FAM78B: variants seen among roughly 807,000 people sequenced by gnomAD.
The protein encoded by FAM78B is protein FAM78B.
A neutral mutation model predicts 20.0 loss-of-function variants in FAM78B; 10 were observed. That is an observed-to-expected ratio of 0.50 (90% CI 0.31 to 0.85). The LOEUF (loss-of-function observed/expected upper bound fraction) is 0.85, where lower values mean the gene tolerates loss of function less well. Among genes scored for constraint, FAM78B ranks in the 40% least tolerant of loss-of-function variants. The pLI, the probability that FAM78B is intolerant of heterozygous loss-of-function variation, is 0.05. For missense variants in FAM78B, 283 were observed against 345.0 expected, an observed-to-expected ratio of 0.82 and a Z score of 1.42; for synonymous variants, 135 against 132.8, an observed-to-expected ratio of 1.02 and a Z score of -0.12.
chr1:166,109,868 GTATA>G (rs1167115543), intron 1 of FAM78B, among the ~76,000 whole-genome samples: 2 of 8,582 alleles, frequency 2.3e-4, no homozygotes, highest in Non-Finnish European at 3.1e-4. Flanking sequence ...ATATGTATGT[GTATA>G]TATATATATG....
rs58213930 is a variant in FAM78B, at chr1:166,094,003, CTGTGTGTG to C, written c.264-23248_264-23241del. Among the ~76,000 whole-genome samples, 759 of 125,586 alleles carry C rather than the reference CTGTGTGTG, an allele frequency of 6.0e-3. 9 individuals are homozygous for C. Among genetic ancestry groups the C allele is most frequent in the African/African-American group, 0.021 (691 of 32,588 alleles). The allele number at this position is 125,586 out of a possible 152,430, so 82.4% of individuals were successfully genotyped here. On this transcript the variant is annotated intron_variant, in intron 1 of 1. Coordinates refer to ENST00000354422, the MANE Select transcript of FAM78B (RefSeq NM_001017961.5). Reference sequence around the variant, plus strand: ...AGGGGCACACAGGGCTTGCGAATGACTGTGTGTGTGTGTGTGTGTGTGTGTGTGTGTGT... The same window carrying C: ...AGGGGCACACAGGGCTTGCGAATGACTGTGTGTGTGTGTGTGTGTGTGTGT...
chr1:166,070,077 C>G lies in FAM78B; in HGVS notation c.*164G>C. 1 of 1,307,150 alleles carries G rather than the reference C, an allele frequency of 7.7e-7. No individual in the cohort carries two copies. Among genetic ancestry groups the G allele is most frequent in the Non-Finnish European group, 9.8e-7 (1 of 1,022,664 alleles). 81.0% of individuals were successfully genotyped at this position (1,307,150 alleles called of 1,614,324 possible). A position where few individuals can be genotyped will look rare whatever the true frequency, so the allele number is the denominator to read the frequency against. On this transcript the variant is annotated 3_prime_UTR_variant, in exon 2 of 2. Coordinates refer to ENST00000354422, the MANE Select transcript of FAM78B (RefSeq NM_001017961.5). Reference sequence around the variant, plus strand: ...GGGATTTTTCCTAAGGATTATGGTTCTACCACCCAAGGAGCAGCCCTACTC... The same window carrying G: ...GGGATTTTTCCTAAGGATTATGGTTGTACCACCCAAGGAGCAGCCCTACTC...
At chr1:166,092,609 T>C (rs1275627531) in intron 1 of FAM78B, among the ~76,000 whole-genome samples, 1 of 152,208 alleles carries the variant, frequency 6.6e-6, no homozygotes, top group Non-Finnish European at 1.5e-5. Context: ...CTTTATCCCA[T>C]GCTCCTCAGC....
chr1:166,126,630 G>C (rs1654655460), intron 1 of FAM78B, among the ~76,000 whole-genome samples: 1 of 152,140 alleles, frequency 6.6e-6, no homozygotes, highest in South Asian at 2.1e-4. Flanking sequence ...GGGCACGTGA[G>C]GCTGGGAAGG....
chr1:166,085,917 T>G (rs1051054058), intron 1 of FAM78B, among the ~76,000 whole-genome samples: 2 of 152,108 alleles, frequency 1.3e-5, no homozygotes, highest in African/African-American at 4.8e-5. Flanking sequence ...GGTGACAAAG[T>G]TGAGAAGATC....
At chr1:166,164,891 G>A (rs1656300770) in intron 1 of FAM78B, 1 of 152,218 alleles carries the variant, frequency 6.6e-6, no homozygotes, top group Non-Finnish European at 1.5e-5. Context: ...GGGTGTTCTA[G>A]ACCTACATTG....
At chr1:166,083,798 GCTT>G (rs752321053) in intron 1 of FAM78B, among the ~76,000 whole-genome samples, 1 of 67,788 alleles carries the variant, frequency 1.5e-5, no homozygotes, top group Non-Finnish European at 2.6e-5. Context: ...CACGCACCCA[GCTT>G]TTTTTTTTTT....
chr1:166,077,282 C>T (rs1268366468), intron 1 of FAM78B, among the ~76,000 whole-genome samples: 2 of 152,118 alleles, frequency 1.3e-5, no homozygotes, highest in Non-Finnish European at 2.9e-5. Flanking sequence ...GGCCTGTAAA[C>T]CTAGTGCTAC....
At chr1:166,073,650 AG>A (rs954313677) in intron 1 of FAM78B, among the ~76,000 whole-genome samples, 17 of 152,130 alleles carry the variant, frequency 1.1e-4, no homozygotes, top group African/African-American at 3.9e-4. Context: ...AAAAGTTCCA[AG>A]AACAGTAGCA....
intron 1 of FAM78B, among the ~76,000 whole-genome samples, chr1:166,109,842 A>ATATATATATATATATATATATATATATG (rs1653944684): frequency 7.7e-5 from 2 of 25,834 alleles, no homozygotes; most frequent in Non-Finnish European, 2.0e-4. Flanking sequence ...GTATATATGT[A>ATATATATATATATATATATATATATATG]TATATATATA....
intron 1 of FAM78B, among the ~76,000 whole-genome samples, chr1:166,088,965 A>G (rs1384057656): frequency 6.6e-6 from 1 of 152,106 alleles, no homozygotes; most frequent in Non-Finnish European, 1.5e-5. Flanking sequence ...CCATGCTCTC[A>G]GTGTTCCACT....
At chr1:166,138,538 T>C (rs1418020915) in intron 1 of FAM78B, among the ~76,000 whole-genome samples, 1 of 152,060 alleles carries the variant, frequency 6.6e-6, no homozygotes, top group East Asian at 1.9e-4. Context: ...CTTAGTGGTG[T>C]TAGAATAAAG....
chr1:166,140,088 C>A (rs542024791), intron 1 of FAM78B, among the ~76,000 whole-genome samples: 1 of 152,216 alleles, frequency 6.6e-6, no homozygotes, highest in Admixed American at 6.5e-5. Flanking sequence ...GTTTCTGAAG[C>A]CTGCAGCAGG....
At position 166,090,881 on chromosome 1, in the gene FAM78B, A is replaced by ATT. The variant is rs535587284; in HGVS notation, c.264-20120_264-20119dup. On this transcript the variant is annotated intron_variant, in intron 1 of 1. Coordinates refer to ENST00000354422, the MANE Select transcript of FAM78B (RefSeq NM_001017961.5). ...TATTGAGGGCTTACTCTGTGCAGGTATTGCTCATGGCACTTCACATGCACC... is the reference window on the plus strand; with the variant it reads ...TATTGAGGGCTTACTCTGTGCAGGTATTTTGCTCATGGCACTTCACATGCACC... Among the ~76,000 whole-genome samples, 63 of 152,316 alleles carry ATT rather than the reference A, an allele frequency of 4.1e-4. No homozygotes were observed. In the East Asian group the frequency reaches 0.01, roughly 25 times the overall value.
exon 3 of FAM78B, chr1:166,059,819 C>T (rs188670343): frequency 3.9e-5 from 6 of 152,286 alleles, no homozygotes; most frequent in Admixed American, 3.3e-4. Context: ...AAAAATTTCC[C>T]TCTCTATTCT....
intron 1 of FAM78B, among the ~76,000 whole-genome samples, chr1:166,132,230 G>A (rs1040802546): frequency 2.6e-5 from 4 of 152,124 alleles, no homozygotes; most frequent in African/African-American, 9.7e-5. Flanking sequence ...TAGCTGAAAG[G>A]ATATGTTTTG....
chr1:166,145,529 T>C (rs1260301138), intron 1 of FAM78B, among the ~76,000 whole-genome samples: 3 of 152,218 alleles, frequency 2.0e-5, no homozygotes, highest in Non-Finnish European at 2.9e-5. Context: ...TGCCTGCCTC[T>C]CAGTTGCATG....
intron 1 of FAM78B, chr1:166,154,825 A>G: frequency 2.1e-6 from 1 of 475,108 alleles, no homozygotes; most frequent in Non-Finnish European, 4.4e-6. Flanking sequence ...TCTGGGCTTC[A>G]GCGTCCCCAT....
chr1:166,089,236 T>C (rs1032619080), intron 1 of FAM78B, among the ~76,000 whole-genome samples: 2 of 152,230 alleles, frequency 1.3e-5, no homozygotes, highest in Non-Finnish European at 2.9e-5. Flanking sequence ...TCATAGAACT[T>C]ATCACCATTT....
Sources: gnomAD v4.1 joint callset for allele counts (sites outside exome capture counted in the v4.1 genomes callset) on GRCh38, gnomAD v4.1.1 for gene constraint, MANE v1.5 for transcripts, NCBI Gene and HGNC (gene_info 2026-07-23, HGNC 2026-07-21) for gene names.